UBIAD1: variants seen among roughly 807,000 people sequenced by gnomAD.
The protein encoded by UBIAD1 is UbiA prenyltransferase domain containing 1, also known as ubiA prenyltransferase domain-containing protein 1.
A neutral mutation model predicts 20.1 loss-of-function variants in UBIAD1; 12 were observed. That is an observed-to-expected ratio of 0.60 (90% CI 0.38 to 0.97). The LOEUF (loss-of-function observed/expected upper bound fraction) is 0.97, where lower values mean the gene tolerates loss of function less well. Among genes scored for constraint, UBIAD1 ranks in the 50% least tolerant of loss-of-function variants. The probability of loss-of-function intolerance (pLI) is 0.00; values close to 1 mark genes in which losing one functional copy is unlikely to be tolerated. For synonymous variants in UBIAD1, 207 were observed against 189.2 expected (o/e 1.09, Z -0.77); for missense variants, 333 against 419.5 (o/e 0.79, Z 1.80).
exon 2 of UBIAD1, chr1:11,295,112 G>A (rs2101029577): frequency 3.4e-6 from 2 of 594,648 alleles, no homozygotes; most frequent in South Asian, 4.0e-5. Context: ...CTGTGTGGAG[G>A]GAGAGGAAGT....
chr1:11,276,007 A>T (rs1189180043), intron 1 of UBIAD1, among the ~76,000 whole-genome samples: 1 of 152,176 alleles, frequency 6.6e-6, no homozygotes, highest in Non-Finnish European at 1.5e-5. Context: ...CTTGTAGGCC[A>T]CTGGTCTTGG....
At chr1:11,281,247 A>G (rs1479240104) in intron 1 of UBIAD1, among the ~76,000 whole-genome samples, 3 of 151,756 alleles carry the variant, frequency 2.0e-5, no homozygotes, top group African/African-American at 7.3e-5. Flanking sequence ...AAAATTACAC[A>G]CCCACTCCGT....
At chr1:11,296,880 T>G (rs574384691), downstream of UBIAD1, among the ~76,000 whole-genome samples, 5 of 10,640 alleles carry the variant, frequency 4.7e-4, no homozygotes, top group South Asian at 0.012. Context: ...TCTTAGACTT[T>G]CCTACCAAGG....
chr1:11,273,348 T>G lies in UBIAD1; in HGVS notation c.-184T>G. ...TGACGGGTAGTAGGGGCGGCGCCGCTTGGCCTCGTGGGGTGTAAGACCCAC... is the reference window on the plus strand; with the variant it reads ...TGACGGGTAGTAGGGGCGGCGCCGCGTGGCCTCGTGGGGTGTAAGACCCAC... On this transcript the variant is annotated 5_prime_UTR_variant, in exon 1 of 2. Transcript: ENST00000376810. The surrounding 1 kb of genome is among the most constrained non-coding windows in gnomAD (Gnocchi z 4.9). 2 of 669,574 alleles carry G rather than the reference T, an allele frequency of 3.0e-6. No homozygotes were observed. The highest frequency in any genetic ancestry group is 3.7e-5 in the South Asian group (2 of 54,068). The allele number at this position is 669,574 out of a possible 1,614,324, so 41.5% of individuals were successfully genotyped here. A position where few individuals can be genotyped will look rare whatever the true frequency, so the allele number is the denominator to read the frequency against.
intron 1 of UBIAD1, among the ~76,000 whole-genome samples, chr1:11,281,570 A>G (rs1002162348): frequency 6.6e-6 from 1 of 152,230 alleles, no homozygotes; most frequent in African/African-American, 2.4e-5. Flanking sequence ...TTATTGACAT[A>G]TAATTGACAC....
chr1:11,283,166 AC>A (rs1268269087), intron 1 of UBIAD1, among the ~76,000 whole-genome samples: 1 of 152,158 alleles, frequency 6.6e-6, no homozygotes, highest in Non-Finnish European at 1.5e-5. Context: ...CTGGCCGCTT[AC>A]ATTGCTTTTT....
Position 11,285,921 on chromosome 1 carries a change from C to G in UBIAD1, c.807C>G (p.Tyr269Ter). Residue 269 changes from tyrosine (Y) to a stop codon, truncating the protein, a stop_gained, in exon 2 of 2, where the codon TAC (tyrosine) becomes TAG (stop). Transcript: ENST00000376810. LOFTEE classifies it high-confidence loss of function. The surrounding 1 kb of genome is among the most constrained non-coding windows in gnomAD (Gnocchi z 4.4). The part of the protein sequence containing the change: ...ILYNTLLFLP[Y>*]LVFSILATHC... Reference sequence around the variant, plus strand: ...ACAACACACTGCTCTTCCTGCCCTACCTGGTCTTCAGCATCCTGGCCACAC... The same window carrying G: ...ACAACACACTGCTCTTCCTGCCCTAGCTGGTCTTCAGCATCCTGGCCACAC... The G allele has an allele frequency of 6.2e-7, 1 of 1,614,234 alleles. No individual in the cohort carries two copies. Among genetic ancestry groups the G allele is most frequent in the Non-Finnish European group, 8.5e-7 (1 of 1,180,046 alleles).
intron 1 of UBIAD1, among the ~76,000 whole-genome samples, chr1:11,280,230 TGA>T (rs1279160879): frequency 2.6e-5 from 4 of 151,992 alleles, no homozygotes; most frequent in African/African-American, 4.8e-5. Flanking sequence ...ATGTGGTGGG[TGA>T]GAGAGAGTGT....
At chr1:11,284,338 C>G (rs1652338135) in intron 1 of UBIAD1, among the ~76,000 whole-genome samples, 1 of 151,880 alleles carries the variant, frequency 6.6e-6, no homozygotes, top group African/African-American at 2.4e-5. Flanking sequence ...CAAGGTGAGG[C>G]AGGAGAGGTA....
At chr1:11,298,208 C>G (rs907876104), downstream of UBIAD1, among the ~76,000 whole-genome samples, 8 of 152,232 alleles carry the variant, frequency 5.3e-5, no homozygotes, top group African/African-American at 1.4e-4. The surrounding 1 kb of genome is among the most constrained non-coding windows in gnomAD (Gnocchi z 4.0). Context: ...TCCACCCACT[C>G]TGGCCTCCCA....
chr1:11,290,985 TAACC>T (rs1009807840), downstream of UBIAD1, among the ~76,000 whole-genome samples: 6 of 146,554 alleles, frequency 4.1e-5, no homozygotes, highest in Non-Finnish European at 8.8e-5. Context: ...ATAAATAAAA[TAACC>T]AACACCTGAG....
chr1:11,276,557 G>A lies in UBIAD1; in HGVS notation c.529+2497G>A, dbSNP rs190578618. Among the ~76,000 whole-genome samples, 240 of 151,758 alleles carry A rather than the reference G, an allele frequency of 1.6e-3. 2 individuals are homozygous for A. Among genetic ancestry groups the A allele is most frequent in the African/African-American group, 5.3e-3 (220 of 41,366 alleles). ...CATGTGCCTGTAGTCCTAGCTACTC[G>A]GGAGGCTGAGGCAGGAGGATTGCTT... On this transcript the variant is annotated intron_variant, in intron 1 of 1. Coordinates refer to ENST00000376810, the MANE Select transcript of UBIAD1 (RefSeq NM_013319.3).
exon 2 of UBIAD1, chr1:11,294,994 G>A (rs573365238): frequency 3.9e-5 from 28 of 715,412 alleles, no homozygotes; most frequent in South Asian, 3.1e-4. Context: ...GGCCACCTTC[G>A]AGGAGAGGGA....
downstream of UBIAD1, among the ~76,000 whole-genome samples, chr1:11,296,627 T>C (rs1638452894): frequency 6.6e-6 from 1 of 152,100 alleles, no homozygotes; most frequent in African/African-American, 2.4e-5. Context: ...TCAGGTGATC[T>C]TCCCACCTCA....
intron 1 of UBIAD1, among the ~76,000 whole-genome samples, chr1:11,279,548 C>T (rs1652175484): frequency 6.6e-6 from 1 of 152,180 alleles, no homozygotes; most frequent in Admixed American, 6.5e-5. Flanking sequence ...TCCCAAGTAG[C>T]TGGGATTACA....
chr1:11,292,534 C>T (rs1638382903), downstream of UBIAD1, among the ~76,000 whole-genome samples: 1 of 152,156 alleles, frequency 6.6e-6, no homozygotes, highest in African/African-American at 2.4e-5. Flanking sequence ...GTCTTTCAGA[C>T]CTGCCCCACG....
At chr1:11,274,106 A>C (rs758826969) in intron 1 of UBIAD1, 46 bp downstream of exon 1, 3 of 1,610,768 alleles carry the variant, frequency 1.9e-6, no homozygotes, top group African/African-American at 1.3e-5. Context: ...AGTCGCGTCC[A>C]CTGGAAACCG....
intron 1 of UBIAD1, among the ~76,000 whole-genome samples, chr1:11,276,055 G>C (rs1179000198): frequency 6.6e-6 from 1 of 152,174 alleles, no homozygotes; most frequent in Admixed American, 6.6e-5. Context: ...CTTTGAGCAA[G>C]GGAGTGATGT....
In UBIAD1 at chr1:11,273,727, G is replaced by GT; in HGVS notation, c.196_197insT (p.Ala66ValfsTer34). On this transcript the variant is annotated frameshift_variant, in exon 1 of 2. Coordinates refer to ENST00000376810, the MANE Select transcript of UBIAD1 (RefSeq NM_013319.3). LOFTEE classifies it high-confidence loss of function. This position sits in a 1 kb window ranked among gnomAD's most constrained non-coding sequence, Gnocchi z 4.9. ...CTTCAGTGCCTCACTCACACCGGTG[G>GT]CCCTGGGCAGTGCCCTTGCCTACAG... 6.2e-7 allele frequency: 1 copy of GT among 1,614,124 alleles called. No individual in the cohort carries two copies. Among genetic ancestry groups the GT allele is most frequent in the South Asian group, 1.1e-5 (1 of 91,086 alleles).
Sources: gnomAD v4.1 joint callset for allele counts (sites outside exome capture counted in the v4.1 genomes callset) on GRCh38, gnomAD v4.1.1 for gene constraint, Gnocchi (gnomAD v3.1) non-coding constraint, MANE v1.5 for transcripts, NCBI Gene and HGNC (gene_info 2026-07-23, HGNC 2026-07-21) for gene names.